Variants in FHIT observed in about 807,000 individuals in gnomAD.
FHIT encodes bis(5'-adenosyl)-triphosphatase.
A neutral mutation model predicts 17.9 loss-of-function variants in FHIT; 19 were observed. The ratio of observed to expected loss-of-function variants is 1.06; its 90% CI spans 0.74 to 1.56. The LOEUF (loss-of-function observed/expected upper bound fraction) is 1.56. FHIT is among the 40% of genes most tolerant of loss of function. FHIT has a pLI of 0.00. For synonymous variants in FHIT, 81 were observed against 69.7 expected, an observed-to-expected ratio of 1.16 and a Z score of -0.81; for missense variants, 248 against 189.2, an observed-to-expected ratio of 1.31 and a Z score of -1.82.
chr3:60,885,459 A>G (rs551094034), intron 3 of FHIT, among the ~76,000 whole-genome samples: 3 of 152,322 alleles, frequency 2.0e-5, no homozygotes, highest in Admixed American at 6.5e-5. Context: ...TGAAAATCTT[A>G]TAAGAGAGTT....
intron 4 of FHIT, chr3:60,553,341 G>C: frequency 2.1e-6 from 2 of 931,778 alleles, no homozygotes; most frequent in Non-Finnish European, 2.6e-6. Context: ...TATGACTCAA[G>C]TGAGGACTTG....
At chr3:61,207,148 C>T (rs1194559337) in intron 1 of FHIT, among the ~76,000 whole-genome samples, 1 of 152,320 alleles carries the variant, frequency 6.6e-6, no homozygotes, top group South Asian at 2.1e-4. Context: ...TTCAACCAGC[C>T]TTGCATCCCA....
intron 5 of FHIT, among the ~76,000 whole-genome samples, chr3:60,343,380 G>C (rs1710621436): frequency 6.6e-6 from 1 of 152,122 alleles, no homozygotes; most frequent in Admixed American, 6.6e-5. Flanking sequence ...GAACTATAGG[G>C]AGGCAGCAGG....
chr3:60,958,573 GA>G (rs1437448269), intron 3 of FHIT, among the ~76,000 whole-genome samples: 1 of 152,182 alleles, frequency 6.6e-6, no homozygotes, highest in Non-Finnish European at 1.5e-5. Context: ...CTTTACCCAT[GA>G]AAAATAGTTG....
intron 8 of FHIT, among the ~76,000 whole-genome samples, chr3:59,754,041 G>GCTAT (rs1211642902): frequency 2.6e-5 from 4 of 151,774 alleles, no homozygotes; most frequent in African/African-American, 4.9e-5. Flanking sequence ...AATGACTTTT[G>GCTAT]CTATCTCAGG....
At chr3:60,836,799 A>C (rs797041206) in intron 3 of FHIT, among the ~76,000 whole-genome samples, 9 of 152,246 alleles carry the variant, frequency 5.9e-5, no homozygotes, top group African/African-American at 1.9e-4. Flanking sequence ...CAGGGGTTTA[A>C]AAAGGGAAAA....
At chr3:60,093,518 G>C (rs1301430036) in intron 5 of FHIT, among the ~76,000 whole-genome samples, 1 of 152,146 alleles carries the variant, frequency 6.6e-6, no homozygotes, top group Non-Finnish European at 1.5e-5. Flanking sequence ...AGGTAACACA[G>C]CCACAGTTTC....
intron 3 of FHIT, among the ~76,000 whole-genome samples, chr3:60,840,626 T>C (rs1366710790): frequency 6.6e-6 from 1 of 152,246 alleles, no homozygotes; most frequent in African/African-American, 2.4e-5. Context: ...TATTTAGAAT[T>C]GATTGTACAC....
intron 3 of FHIT, among the ~76,000 whole-genome samples, chr3:60,959,744 T>G (rs1258037269): frequency 6.6e-6 from 1 of 150,976 alleles, no homozygotes; most frequent in Non-Finnish European, 1.5e-5. Flanking sequence ...AAAAGGGCAG[T>G]GTAGTTTGCG....
intron 5 of FHIT, among the ~76,000 whole-genome samples, chr3:60,401,732 C>G (rs940729851): frequency 2.6e-5 from 4 of 152,166 alleles, no homozygotes; most frequent in African/African-American, 9.7e-5. Flanking sequence ...GGACCCCTGA[C>G]TATAAGTCAA....
chr3:61,079,289 C>A (rs955163027), intron 2 of FHIT, among the ~76,000 whole-genome samples: 3 of 152,082 alleles, frequency 2.0e-5, no homozygotes, highest in Non-Finnish European at 4.4e-5. Flanking sequence ...GTATAAGTAG[C>A]CAGTTGTGTT....
At chr3:60,273,721 C>A (rs1437445398) in intron 5 of FHIT, among the ~76,000 whole-genome samples, 1 of 152,140 alleles carries the variant, frequency 6.6e-6, no homozygotes, top group African/African-American at 2.4e-5. Flanking sequence ...TACAAGGCAG[C>A]AATTAACATG....
At chr3:60,195,546 G>GATATATAT (rs1223456537) in intron 5 of FHIT, among the ~76,000 whole-genome samples, 1 of 18,888 alleles carries the variant, frequency 5.3e-5, no homozygotes, top group Non-Finnish European at 8.2e-5. Context: ...AGGAAAATGT[G>GATATATAT]ATATATATAT....
intron 7 of FHIT, among the ~76,000 whole-genome samples, chr3:59,939,993 C>T (rs1267887867): frequency 6.6e-6 from 1 of 152,140 alleles, no homozygotes; most frequent in Non-Finnish European, 1.5e-5. Context: ...GGTCCTTAAC[C>T]TTAGGTCACG....
chr3:59,854,668 G>A (rs1222319070), intron 8 of FHIT, among the ~76,000 whole-genome samples: 1 of 152,154 alleles, frequency 6.6e-6, no homozygotes. Flanking sequence ...GAGGTCTGGG[G>A]AATAGAATTG....
intron 4 of FHIT, among the ~76,000 whole-genome samples, chr3:60,552,030 CT>C (rs1216918558): frequency 6.6e-6 from 1 of 152,074 alleles, no homozygotes; most frequent in Non-Finnish European, 1.5e-5. Context: ...TACTATTCTA[CT>C]TTCTGTCTCT....
At chr3:61,120,658 A>C (rs1214794551) in intron 2 of FHIT, among the ~76,000 whole-genome samples, 1 of 152,090 alleles carries the variant, frequency 6.6e-6, no homozygotes, top group Non-Finnish European at 1.5e-5. Flanking sequence ...TTGCAGGCTA[A>C]AAAATCCAAA....
chr3:59,991,568 T>C (rs1272060887), intron 7 of FHIT, among the ~76,000 whole-genome samples: 3 of 152,074 alleles, frequency 2.0e-5, no homozygotes, highest in Admixed American at 6.6e-5. Context: ...GGCTTAAGTC[T>C]CATCCTATTC....
chr3:59,784,101 C>T (rs1351766018), intron 8 of FHIT, among the ~76,000 whole-genome samples: 5 of 152,244 alleles, frequency 3.3e-5, no homozygotes, highest in South Asian at 2.1e-4. Context: ...ATGATTGGAC[C>T]GACCTGCTCT....
Sources: allele counts gnomAD v4.1 joint callset (sites outside exome capture counted in the v4.1 genomes callset), GRCh38; gene constraint gnomAD v4.1.1; transcripts MANE v1.5; gene names NCBI Gene and HGNC (gene_info 2026-07-23, HGNC 2026-07-21).